KDM4C: variants seen among roughly 807,000 people sequenced by gnomAD.
The protein encoded by KDM4C is lysine-specific demethylase 4C.
A neutral mutation model predicts 129.3 loss-of-function variants in KDM4C; 81 were observed. The ratio of observed to expected loss-of-function variants is 0.63; its 90% confidence interval spans 0.52 to 0.75. The LOEUF is 0.75. Ranked by LOEUF, KDM4C falls within the 30% of genes least tolerant of loss-of-function variation. The pLI is 0.00. For synonymous variants in KDM4C, 573 were observed against 456.1 expected (o/e 1.26, Z -3.26); for missense variants, 1,457 against 1,304.0 (o/e 1.12, Z -1.81).
chr9:7,072,271 T>G (rs1033605625), intron 17 of KDM4C, among the ~76,000 whole-genome samples: 5 of 152,148 alleles, frequency 3.3e-5, no homozygotes, highest in Non-Finnish European at 5.9e-5. Flanking sequence ...AAACTTACAA[T>G]TTAGCATACC....
At chr9:6,755,131 G>T (rs1305979347), upstream of KDM4C, among the ~76,000 whole-genome samples, 1 of 152,148 alleles carries the variant, frequency 6.6e-6, no homozygotes, top group Non-Finnish European at 1.5e-5. Context: ...CAGCACTTTG[G>T]GAGGCCAAGG....
intron 8 of KDM4C, among the ~76,000 whole-genome samples, chr9:6,971,437 A>G (rs1342839253): frequency 6.6e-6 from 1 of 152,256 alleles, no homozygotes; most frequent in African/African-American, 2.4e-5. Context: ...GGACTGATCA[A>G]TGAATCTCTG....
intron 17 of KDM4C, among the ~76,000 whole-genome samples, chr9:7,078,747 T>G (rs1333448188): frequency 6.6e-6 from 1 of 152,244 alleles, no homozygotes; most frequent in East Asian, 1.9e-4. Flanking sequence ...TATCTATATT[T>G]ACAATGTTCT....
chr9:6,870,462 A>G (rs562732133), intron 5 of KDM4C, among the ~76,000 whole-genome samples: 1 of 152,122 alleles, frequency 6.6e-6, no homozygotes, highest in Admixed American at 6.5e-5. Context: ...CCTGTAAGGA[A>G]GCTTTGGCTT....
intron 15 of KDM4C, among the ~76,000 whole-genome samples, chr9:7,027,694 G>A (rs1826030139): frequency 1.3e-5 from 2 of 152,190 alleles, no homozygotes; most frequent in Admixed American, 1.3e-4. Flanking sequence ...AGTTGTTGTG[G>A]GCCCAGGTGC....
intron 2 of KDM4C, among the ~76,000 whole-genome samples, chr9:6,796,234 C>T: frequency 6.6e-6 from 1 of 152,294 alleles, no homozygotes; most frequent in South Asian, 2.1e-4. Context: ...CACTTGAGGT[C>T]AGGAGTTCGA....
At chr9:6,910,104 TAAAAC>T (rs1047809688) in intron 8 of KDM4C, among the ~76,000 whole-genome samples, 5 of 152,190 alleles carry the variant, frequency 3.3e-5, no homozygotes, top group Admixed American at 6.5e-5. Flanking sequence ...TATTTTAAAA[TAAAAC>T]CATGTTTTAA....
chr9:6,919,348 A>G (rs1312955905), intron 8 of KDM4C, among the ~76,000 whole-genome samples: 1 of 149,050 alleles, frequency 6.7e-6, no homozygotes, highest in Non-Finnish European at 1.5e-5. Flanking sequence ...TATAGTGTGC[A>G]AATATTATCT....
chr9:7,053,322 G>T (rs1021624424), intron 17 of KDM4C, among the ~76,000 whole-genome samples: 1 of 152,108 alleles, frequency 6.6e-6, no homozygotes, highest in Non-Finnish European at 1.5e-5. Flanking sequence ...TAAATTATTC[G>T]TGCAAGGAGA....
At chr9:6,877,086 A>T (rs1289974407) in intron 5 of KDM4C, among the ~76,000 whole-genome samples, 1 of 152,070 alleles carries the variant, frequency 6.6e-6, no homozygotes, top group Non-Finnish European at 1.5e-5. Flanking sequence ...TCCCTGAGGG[A>T]TGTATGTTTC....
At chr9:7,021,305 C>A (rs569548491) in intron 15 of KDM4C, among the ~76,000 whole-genome samples, 2 of 151,676 alleles carry the variant, frequency 1.3e-5, no homozygotes, top group African/African-American at 2.4e-5. Context: ...CCACCATGCC[C>A]GGCTAATTTT....
At chr9:7,156,292 A>G (rs1843164117) in intron 19 of KDM4C, among the ~76,000 whole-genome samples, 1 of 152,124 alleles carries the variant, frequency 6.6e-6, no homozygotes, top group South Asian at 2.1e-4. Flanking sequence ...ATTTTCTCCC[A>G]TTCTGTAGGT....
intron 11 of KDM4C, among the ~76,000 whole-genome samples, chr9:6,989,556 A>G (rs1212969486): frequency 6.6e-6 from 1 of 152,198 alleles, no homozygotes; most frequent in Non-Finnish European, 1.5e-5. Flanking sequence ...ACATGGCATT[A>G]ATGTATCATT....
At chr9:7,040,105 C>G (rs1269975898) in intron 15 of KDM4C, among the ~76,000 whole-genome samples, 1 of 152,060 alleles carries the variant, frequency 6.6e-6, no homozygotes, top group Non-Finnish European at 1.5e-5. Flanking sequence ...TGAGCACACT[C>G]TGCCTTCAAA....
At chr9:6,770,697 T>G (rs990221020) in intron 1 of KDM4C, among the ~76,000 whole-genome samples, 1 of 149,358 alleles carries the variant, frequency 6.7e-6, no homozygotes. Flanking sequence ...TTGTGTTTGA[T>G]GTTTTTCAAC....
chr9:7,070,212 G>A (rs1433795856), intron 17 of KDM4C, among the ~76,000 whole-genome samples: 1 of 152,140 alleles, frequency 6.6e-6, no homozygotes, highest in African/African-American at 2.4e-5. Flanking sequence ...ATTTATTAAT[G>A]GAGTTGAATT....
At chr9:7,052,898 A>AGAGAGAGAGAGAGCGAGC (rs1477487723) in intron 17 of KDM4C, among the ~76,000 whole-genome samples, 2 of 47,532 alleles carry the variant, frequency 4.2e-5, no homozygotes, top group Non-Finnish European at 1.4e-4. Flanking sequence ...AGAGAGAGAG[A>AGAGAGAGAGAGAGCGAGC]GAGCGAGCGA....
chr9:6,735,632 C>G (rs746522657), intron 1 of KDM4C, among the ~76,000 whole-genome samples: 1 of 152,198 alleles, frequency 6.6e-6, no homozygotes, highest in Non-Finnish European at 1.5e-5. Flanking sequence ...ACGTGCCTTG[C>G]TCCTCCTTGC....
chr9:6,759,188 A>T (rs1280857851), intron 1 of KDM4C, among the ~76,000 whole-genome samples: 2 of 152,108 alleles, frequency 1.3e-5, no homozygotes, highest in Admixed American at 6.6e-5. Flanking sequence ...AGTCACTTTT[A>T]TCCTGGTGAA....
Sources: allele counts gnomAD v4.1 joint callset (sites outside exome capture counted in the v4.1 genomes callset), GRCh38; gene constraint gnomAD v4.1.1; transcripts MANE v1.5; gene names NCBI Gene and HGNC (gene_info 2026-07-23, HGNC 2026-07-21).